IFT70B: variants seen among roughly 807,000 people sequenced by gnomAD.
The protein encoded by IFT70B is intraflagellar transport protein 70B.
chr2:177,550,772 A>G, the IFT70B span: 9 of 1,600,438 alleles, frequency 5.6e-6, no homozygotes, highest in Admixed American at 1.2e-4. Context: ...ATTACTATAT[A>G]TTCCATCCTA....
At chr2:177,550,413 TTAAC>T in the IFT70B span, 26 of 170,892 alleles carry the variant, frequency 1.5e-4, no homozygotes, top group Non-Finnish European at 1.9e-4. Flanking sequence ...AAGACTACTC[TTAAC>T]TATTACTGAG....
At chr2:177,549,652 G>C in the IFT70B span, 1 of 152,326 alleles carries the variant, frequency 6.6e-6, no homozygotes, top group Admixed American at 6.5e-5. Flanking sequence ...AAATCAAATA[G>C]TAAGGCTCTT....
the IFT70B span, chr2:177,552,728 C>A: frequency 1.3e-5 from 20 of 1,586,150 alleles, 1 homozygote; most frequent in East Asian, 2.3e-5. Context: ...CGGTGAACTC[C>A]CCGTCGGGGA....
chr2:177,549,129 T>C, the IFT70B span: 1 of 152,214 alleles, frequency 6.6e-6, no homozygotes, highest in Non-Finnish European at 1.5e-5. Flanking sequence ...AGCAACACTT[T>C]TAGTACAGAA....
chr2:177,551,660 G>A, the IFT70B span: 1 of 1,614,074 alleles, frequency 6.2e-7, no homozygotes. Context: ...GAGCTGTCTG[G>A]CAAGTGATCA....
chr2:177,550,861 C>T, the IFT70B span: 1 of 1,614,080 alleles, frequency 6.2e-7, no homozygotes, highest in Non-Finnish European at 8.5e-7. Context: ...CTTTCTTCTT[C>T]CAGGGGTTGT....
the IFT70B span, chr2:177,551,379 A>G: frequency 1.9e-6 from 3 of 1,614,172 alleles, no homozygotes; most frequent in African/African-American, 4.0e-5. Context: ...AGCCACATTC[A>G]ACTTCCACAC....
At chr2:177,552,326 C>G in the IFT70B span, 1 of 1,614,252 alleles carries the variant, frequency 6.2e-7, no homozygotes, top group South Asian at 1.1e-5. Flanking sequence ...CCCCACTTTC[C>G]TCTCCCCCTT....
At chr2:177,551,065 C>T in the IFT70B span, 1 of 1,614,148 alleles carries the variant, frequency 6.2e-7, no homozygotes, top group East Asian at 2.2e-5. Context: ...CTTTTGATAA[C>T]TCGAGAAATA....
the IFT70B span, chr2:177,551,913 T>A: frequency 6.2e-7 from 1 of 1,614,236 alleles, no homozygotes; most frequent in Non-Finnish European, 8.5e-7. Context: ...AGGGTCCAAC[T>A]CTTCCTCTGC....
At chr2:177,552,355 C>T in the IFT70B span, 65 of 1,614,110 alleles carry the variant, frequency 4.0e-5, no homozygotes, top group Middle Eastern at 1.6e-4. Flanking sequence ...GGCAGCTGCT[C>T]TACCAGGCTC....
At chr2:177,552,238 T>G in the IFT70B span, 3 of 1,614,208 alleles carry the variant, frequency 1.9e-6, no homozygotes, top group Middle Eastern at 3.3e-4. Context: ...GCAAAAAACT[T>G]GGAGCATGCA....
chr2:177,551,914 CT>C, the IFT70B span: 2 of 1,614,092 alleles, frequency 1.2e-6, no homozygotes, highest in African/African-American at 2.7e-5. Flanking sequence ...GGGTCCAACT[CT>C]TCCTCTGCCC....
the IFT70B span, chr2:177,552,602 G>C: frequency 6.3e-7 from 1 of 1,595,036 alleles, no homozygotes; most frequent in Non-Finnish European, 8.5e-7. Flanking sequence ...GGCGGTAGTA[G>C]CAGTAGCCTA....
At chr2:177,551,967 T>G in the IFT70B span, 1 of 1,614,170 alleles carries the variant, frequency 6.2e-7, no homozygotes, top group Non-Finnish European at 8.5e-7. Context: ...TGCCTCATAG[T>G]TTCTCAGTTG....
At chr2:177,552,716 C>T in the IFT70B span, 5 of 1,592,932 alleles carry the variant, frequency 3.1e-6, no homozygotes, top group East Asian at 2.3e-5. Context: ...GGTACACGAC[C>T]GCGGTGAACT....
the IFT70B span, chr2:177,551,649 G>A: frequency 6.2e-7 from 1 of 1,614,234 alleles, no homozygotes; most frequent in South Asian, 1.1e-5. Context: ...AGCCTCTTCA[G>A]GAGCTGTCTG....
chr2:177,552,668 C>G, the IFT70B span: 1 of 1,592,176 alleles, frequency 6.3e-7, no homozygotes, highest in Non-Finnish European at 8.6e-7. Flanking sequence ...CGCCCAGCAG[C>G]TGCACCGCCT....
At chr2:177,552,351 T>A in the IFT70B span, 1 of 1,614,256 alleles carries the variant, frequency 6.2e-7, no homozygotes, top group Non-Finnish European at 8.5e-7. Flanking sequence ...ACTCGGCAGC[T>A]GCTCTACCAG....
Sources: allele counts gnomAD v4.1 joint callset, GRCh38; gene constraint gnomAD v4.1.1; transcripts MANE v1.5; gene names NCBI Gene and HGNC (gene_info 2026-07-23, HGNC 2026-07-21).